Variants in GRHPR observed in about 807,000 individuals in gnomAD.
GRHPR encodes glyoxylate and hydroxypyruvate reductase.
A neutral mutation model predicts 36.8 loss-of-function variants in GRHPR; 35 were observed. That is an observed-to-expected ratio of 0.95 (90% CI 0.73 to 1.26). The LOEUF is 1.26. Ranked by LOEUF, GRHPR falls within the 50% of genes most tolerant of loss-of-function variation. GRHPR has a pLI of 0.00. For synonymous variants in GRHPR, 179 were observed against 181.0 expected (o/e 0.99, Z 0.09); for missense variants, 380 against 435.0 (o/e 0.87, Z 1.12).
chr9:37,425,182 A>C (rs1410142092), intron 2 of GRHPR, among the ~76,000 whole-genome samples: 1 of 152,202 alleles, frequency 6.6e-6, no homozygotes, highest in Non-Finnish European at 1.5e-5. Flanking sequence ...GGACCCTAGG[A>C]GGGCAAAGAC....
chr9:37,430,090 C>A, intron 6 of GRHPR: 1 of 566,076 alleles, frequency 1.8e-6, no homozygotes, highest in Non-Finnish European at 3.2e-6. Flanking sequence ...TTACCATTCC[C>A]CATTGTGGGC....
intron 6 of GRHPR, 108 bp from the exon 7 acceptor site, chr9:37,430,403 C>T: frequency 2.2e-6 from 2 of 921,778 alleles, no homozygotes; most frequent in Non-Finnish European, 3.6e-6. Flanking sequence ...CTTCAGGAAG[C>T]ATCTTGGGAG....
chr9:37,428,033 T>G lies in GRHPR; in HGVS notation c.405-451T>G, dbSNP rs58592714. The G allele has an allele frequency of 9.5e-3, 2,782 of 294,012 alleles. 73 individuals carry two copies. The highest frequency in any genetic ancestry group is 0.055 in the African/African-American group (2,559 of 46,140). The allele number at this position is 294,012 out of a possible 1,614,324, so 18.2% of individuals were successfully genotyped here. On this transcript the variant is annotated intron_variant, in intron 4 of 8. Coordinates refer to ENST00000318158, the MANE Select transcript of GRHPR (RefSeq NM_012203.2). Reference sequence around the variant, plus strand: ...GTCCTGTCTGGGGAGTCATCACATCTACTGGAGGTGGCTCAGGGCAGGCTC... The same window carrying G: ...GTCCTGTCTGGGGAGTCATCACATCGACTGGAGGTGGCTCAGGGCAGGCTC...
intron 7 of GRHPR, chr9:37,430,911 A>G: frequency 1.7e-6 from 1 of 587,888 alleles, no homozygotes. Flanking sequence ...GCGTGGCTTC[A>G]GGGAGTGTTC....
Position 37,428,799 on chromosome 9 carries a change from T to C in GRHPR, c.493+227T>C, listed in dbSNP as rs309462. 2,512 of 675,252 alleles carry C rather than the reference T, an allele frequency of 3.7e-3. 45 individuals are homozygous for C. In the African/African-American group the frequency reaches 0.039, roughly 10 times the overall value. The allele number at this position is 675,252 out of a possible 1,614,324, so 41.8% of individuals were successfully genotyped here. A position where few individuals can be genotyped will look rare whatever the true frequency, so the allele number is the denominator to read the frequency against. On this transcript the variant is annotated intron_variant, in intron 5 of 8. Transcript: ENST00000318158. ...CACCAGGTGATAAAAGCAAGTTGCC[T>C]AAGGGTCAGGGGGCTTCATGATTCC... is the stretch of plus-strand genomic sequence containing the variant.
At chr9:37,435,864 T>C (rs1411436802) in intron 8 of GRHPR, among the ~76,000 whole-genome samples, 1 of 152,036 alleles carries the variant, frequency 6.6e-6, no homozygotes, top group African/African-American at 2.4e-5. Context: ...CCTCGAACTC[T>C]TGGGCTCAAG....
chr9:37,435,752 C>T (rs769621873), intron 8 of GRHPR, among the ~76,000 whole-genome samples: 1 of 152,078 alleles, frequency 6.6e-6, no homozygotes, highest in Non-Finnish European at 1.5e-5. Flanking sequence ...AGAAAATGTA[C>T]TCAATTAAAA....
At position 37,426,621 on chromosome 9, in the gene GRHPR, G is replaced by A. The variant is rs768403579; in HGVS notation, c.371G>A (p.Arg124His). 1.3e-5 allele frequency: 21 copies of A among 1,612,046 alleles called. No individual in the cohort carries two copies. The highest frequency in any genetic ancestry group is 4.0e-5 in the African/African-American group (3 of 74,892). Residue 124 changes from arginine to histidine, a missense_variant, in exon 4 of 9, where the codon CGC (arginine) becomes CAC (histidine). Arg to His is a conservative substitution (Grantham distance 29). Coordinates refer to ENST00000318158, the MANE Select transcript of GRHPR (RefSeq NM_012203.2). ...LAVSLLLTTC[R>H]RLPEAIEEVK... ...GTCTCCCTGCTACTTACCACCTGCCGCCGGTTGCCGGAGGCCATCGAGGAA... is the reference window on the plus strand; with the variant it reads ...GTCTCCCTGCTACTTACCACCTGCCACCGGTTGCCGGAGGCCATCGAGGAA...
At chr9:37,438,840 T>C (rs983231841), downstream of GRHPR, 3 of 152,132 alleles carry the variant, frequency 2.0e-5, no homozygotes, top group African/African-American at 7.2e-5. Context: ...CCACATCTAC[T>C]CGAAAGGAAT....
intron 5 of GRHPR, 129 bp downstream of exon 5, chr9:37,428,701 T>C: frequency 1.4e-6 from 1 of 735,890 alleles, no homozygotes; most frequent in East Asian, 2.6e-5. Context: ...TAGAGATATC[T>C]CTAATGAGGG....
intron 1 of GRHPR, 47 bp from the exon 2 acceptor site, chr9:37,424,798 C>G (rs761702199): frequency 6.3e-7 from 1 of 1,596,956 alleles, no homozygotes; most frequent in East Asian, 2.2e-5. Context: ...GGGGCGGGGA[C>G]AGGTGTGCGG....
chr9:37,427,188 G>T (rs991183354), intron 4 of GRHPR, among the ~76,000 whole-genome samples: 1 of 152,182 alleles, frequency 6.6e-6, no homozygotes, highest in Admixed American at 6.5e-5. Context: ...GTGAGGGCTG[G>T]CAGGGAGAGT....
intron 5 of GRHPR, 33 bp downstream of exon 5, chr9:37,428,605 G>A (rs147934112): frequency 3.4e-5 from 48 of 1,412,818 alleles, no homozygotes; most frequent in South Asian, 1.6e-4. Context: ...TGCCCGCCCC[G>A]GCTCTCACAG....
At position 37,432,134 on chromosome 9, in the gene GRHPR, C is replaced by T. The variant is rs2118891279; in HGVS notation, c.861C>T (p.Asn287=). ...ACCACCCTCTCCTGACCCTGAAGAA[C>T]TGTGGTAAGAACTGCACTTTCTGAT... ...PTNHPLLTLK[N]CVILPHIGSA... Residue 287 remains asparagine (N), a synonymous_variant, in exon 8 of 9, where the codon AAC becomes AAT. Coordinates refer to ENST00000318158, the MANE Select transcript of GRHPR (RefSeq NM_012203.2). The T allele has an allele frequency of 1.2e-6, 2 of 1,613,950 alleles. No individual in the cohort carries two copies. Among genetic ancestry groups the T allele is most frequent in the Non-Finnish European group, 8.5e-7 (1 of 1,179,854 alleles).
chr9:37,428,356 C>T, intron 4 of GRHPR, 128 bp from the exon 5 acceptor site: 4 of 609,304 alleles, frequency 6.6e-6, no homozygotes, highest in Non-Finnish European at 1.2e-5. Context: ...AGTGCCTCAT[C>T]CCACTCTCAG....
rs776806312 is a variant in GRHPR at position 37,425,999 on chromosome 9, C to T, written c.287+5C>T. On this transcript the variant is annotated splice_donor_5th_base_variant and intron_variant, in intron 3 of 8. Coordinates refer to ENST00000318158, the MANE Select transcript of GRHPR (RefSeq NM_012203.2). The stretch of plus-strand genomic sequence containing the variant: ...TTTGGATGAAATCAAGAAGCGGTAA[C>T]TGCAGCTTGGGATCTGGAGGGGGCC... 3.9e-5 allele frequency: 63 copies of T among 1,600,066 alleles called. No homozygotes were observed. The South Asian group carries it at 6.7e-4, about 17-fold the overall frequency.
At chr9:37,430,141 C>G (rs1823290381) in intron 6 of GRHPR, 1 of 533,024 alleles carries the variant, frequency 1.9e-6, no homozygotes, top group Non-Finnish European at 3.4e-6. Context: ...AAGGGCTGGG[C>G]ACTTTCACTG....
chr9:37,430,045 A>C, intron 6 of GRHPR: 2 of 623,260 alleles, frequency 3.2e-6, no homozygotes, highest in Non-Finnish European at 5.8e-6. Flanking sequence ...GAGCCAGCAG[A>C]GCAGTCCAGG....
chr9:37,432,216 G>A, intron 8 of GRHPR, 78 bp downstream of exon 8: 1 of 1,423,904 alleles, frequency 7.0e-7, no homozygotes, highest in Non-Finnish European at 9.9e-7. Context: ...CAAGGGGCCG[G>A]GTGTGGAGCT....
Sources: allele counts gnomAD v4.1 joint callset (sites outside exome capture counted in the v4.1 genomes callset), GRCh38; gene constraint gnomAD v4.1.1; transcripts MANE v1.5; gene names NCBI Gene and HGNC (gene_info 2026-07-23, HGNC 2026-07-21).